Variants in STAG1 observed in about 807,000 individuals in gnomAD.
The protein encoded by STAG1 is cohesin subunit SA-1.
A neutral mutation model predicts 170.9 loss-of-function variants in STAG1; 26 were observed. The observed-to-expected ratio is 0.15, with a 90% CI of 0.11 to 0.21. STAG1 has a LOEUF of 0.21. Among genes scored for constraint, STAG1 ranks in the 10% least tolerant of loss-of-function variants. The pLI, the probability that STAG1 is intolerant of heterozygous loss-of-function variation, is 1.00. For synonymous variants in STAG1, 514 were observed against 497.7 expected, an observed-to-expected ratio of 1.03 and a Z score of -0.44; for missense variants, 964 against 1,509.5, an observed-to-expected ratio of 0.64 and a Z score of 5.99.
In STAG1 at chr3:136,521,281, A is replaced by C; in HGVS notation, c.608T>G (p.Val203Gly). The change falls in exon 7 of 34, where the codon GTA becomes GGA. Residue 203 changes from valine to glycine, a missense_variant. Around this residue, in one of 11 missense-constraint regions of STAG1, gnomAD observed 40 missense variants for 44.1 expected, o/e 0.91. Transcript: ENST00000383202. ...TGACAAACCCGTCAAAAGGGAGATT[A>C]CTGTGTCCATCATATACTCATCATA... ...IIYDEYMMDT[V>G]ISLLTGLSDS... 6.2e-7 allele frequency: 1 copy of C among 1,613,840 alleles called. No homozygotes were observed. Among genetic ancestry groups the C allele is most frequent in the Non-Finnish European group, 8.5e-7 (1 of 1,179,802 alleles).
chr3:136,641,730 T>A (rs560681398), intron 1 of STAG1, among the ~76,000 whole-genome samples: 5 of 152,182 alleles, frequency 3.3e-5, no homozygotes, highest in Non-Finnish European at 7.3e-5. Flanking sequence ...AAAGAGGACT[T>A]TAGTAGGACA....
chr3:136,508,894 GAGAGAGA>G (rs1933909608), intron 7 of STAG1, among the ~76,000 whole-genome samples: 1 of 150,140 alleles, frequency 6.7e-6, no homozygotes, highest in Non-Finnish European at 1.5e-5. Flanking sequence ...GCGCGAGAGA[GAGAGAGA>G]GAGAGAGACA....
At chr3:136,652,445 T>C (rs183114243) in intron 1 of STAG1, among the ~76,000 whole-genome samples, 5 of 152,390 alleles carry the variant, frequency 3.3e-5, no homozygotes, top group Non-Finnish European at 5.9e-5. Context: ...CTATATTGTT[T>C]GGTGTTACTT....
At chr3:136,593,344 G>C (rs966812137) in intron 4 of STAG1, among the ~76,000 whole-genome samples, 2 of 152,114 alleles carry the variant, frequency 1.3e-5, no homozygotes, top group Non-Finnish European at 1.5e-5. Context: ...CCACTAGCAA[G>C]AAGCATTAGG....
chr3:136,613,429 T>G (rs1175972782), intron 3 of STAG1, among the ~76,000 whole-genome samples: 2 of 152,054 alleles, frequency 1.3e-5, no homozygotes, highest in African/African-American at 2.4e-5. Flanking sequence ...TGTAGTAGGA[T>G]CTCATTGTTG....
intron 1 of STAG1, among the ~76,000 whole-genome samples, chr3:136,637,061 T>C (rs940851510): frequency 6.6e-6 from 1 of 152,186 alleles, no homozygotes; most frequent in Non-Finnish European, 1.5e-5. Flanking sequence ...CTCCGCACAA[T>C]GGCCCCAGCA....
chr3:136,742,704 G>C (rs1283155840), intron 1 of STAG1, among the ~76,000 whole-genome samples: 1 of 144,540 alleles, frequency 6.9e-6, no homozygotes, highest in East Asian at 2.0e-4. Flanking sequence ...GACAGAGCAA[G>C]ACTCCATCTC....
chr3:136,724,873 G>C (rs1417572359), intron 1 of STAG1, among the ~76,000 whole-genome samples: 3 of 152,034 alleles, frequency 2.0e-5, no homozygotes, highest in Admixed American at 6.5e-5. Flanking sequence ...TAATACCAGA[G>C]AGCTCTATAA....
At chr3:136,619,533 G>A (rs1165187486) in intron 3 of STAG1, among the ~76,000 whole-genome samples, 3 of 151,890 alleles carry the variant, frequency 2.0e-5, no homozygotes, top group Admixed American at 6.6e-5. Context: ...TGAGGCTGGT[G>A]GATCACTTCA....
At chr3:136,498,284 T>TACACAC (rs71157390) in intron 9 of STAG1, among the ~76,000 whole-genome samples, 84 of 87,048 alleles carry the variant, frequency 9.6e-4, no homozygotes, top group Admixed American at 8.7e-4. Context: ...CACACACACA[T>TACACAC]ACACACACAC....
intron 16 of STAG1, among the ~76,000 whole-genome samples, chr3:136,428,420 G>A (rs886828148): frequency 2.0e-5 from 3 of 152,062 alleles, no homozygotes; most frequent in Admixed American, 6.6e-5. Context: ...TTCTGATAAC[G>A]GACAATGCCC....
At chr3:136,579,890 C>T (rs980757890) in intron 4 of STAG1, among the ~76,000 whole-genome samples, 4 of 150,172 alleles carry the variant, frequency 2.7e-5, no homozygotes, top group Admixed American at 1.3e-4. Flanking sequence ...GAAATGAAAA[C>T]ATTCCACCAG....
chr3:136,628,530 A>C (rs7646245), intron 2 of STAG1, among the ~76,000 whole-genome samples: 9,139 of 152,194 alleles, frequency 0.06, 382 homozygotes, highest in Middle Eastern at 0.12. Flanking sequence ...TGCATGACAT[A>C]ATCTCAGTCT....
chr3:136,489,877 C>T lies in STAG1; in HGVS notation c.902+10346G>A, dbSNP rs182434781. 4.9e-4 allele frequency among the ~76,000 whole-genome samples: 75 copies of T among 151,934 alleles called. 1 individual carries two copies. The highest frequency in any genetic ancestry group is 1.7e-3 in the African/African-American group (72 of 41,414). ...GAGTGTTACAGAGAACACAGAAGCA[C>T]GTAAAATGGAGAGGAGAGAAGGTGG... On this transcript the variant is annotated intron_variant, in intron 9 of 33. Coordinates refer to ENST00000383202, the MANE Select transcript of STAG1 (RefSeq NM_005862.3).
intron 5 of STAG1, among the ~76,000 whole-genome samples, chr3:136,556,529 AT>A (rs2107745516): frequency 6.6e-6 from 1 of 152,178 alleles, no homozygotes; most frequent in African/African-American, 2.4e-5. Flanking sequence ...ATATAATTCC[AT>A]TTAAAACTCC....
chr3:136,379,565 C>T (rs946771590), intron 22 of STAG1, among the ~76,000 whole-genome samples: 3 of 151,932 alleles, frequency 2.0e-5, no homozygotes, highest in Admixed American at 6.6e-5. Flanking sequence ...AAAAATTAGC[C>T]GCGTGTGGTG....
intron 1 of STAG1, among the ~76,000 whole-genome samples, chr3:136,633,198 A>T (rs1940398861): frequency 6.6e-6 from 1 of 152,230 alleles, no homozygotes; most frequent in Admixed American, 6.5e-5. Context: ...TCGGCCAGAA[A>T]GTACCCCCAC....
At chr3:136,556,061 T>G (rs1936601856) in intron 5 of STAG1, among the ~76,000 whole-genome samples, 1 of 152,154 alleles carries the variant, frequency 6.6e-6, no homozygotes, top group Non-Finnish European at 1.5e-5. Flanking sequence ...ATATTAAATT[T>G]TACATTAAAA....
chr3:136,568,973 T>A, intron 4 of STAG1, 112 bp from the exon 5 acceptor site: 1 of 695,148 alleles, frequency 1.4e-6, no homozygotes, highest in African/African-American at 1.8e-5. Context: ...ACGAGAAAAT[T>A]ACTTACCTGA....
Sources: allele counts gnomAD v4.1 joint callset (sites outside exome capture counted in the v4.1 genomes callset), GRCh38; gene constraint gnomAD v4.1.1; regional missense constraint gnomAD v4.1.1; transcripts MANE v1.5; gene names NCBI Gene and HGNC (gene_info 2026-07-23, HGNC 2026-07-21).